NUP210: variants seen among roughly 807,000 people sequenced by gnomAD.
NUP210 encodes the protein nucleoporin 210.
A neutral mutation model predicts 196.0 loss-of-function variants in NUP210; 151 were observed. The ratio of observed to expected loss-of-function variants is 0.77; its 90% confidence interval spans 0.67 to 0.88. The LOEUF (loss-of-function observed/expected upper bound fraction) is 0.88, where lower values mean the gene tolerates loss of function less well. Ranked by LOEUF, NUP210 falls within the 40% of genes least tolerant of loss-of-function variation. The pLI is 0.00. For missense variants in NUP210, 2,314 were observed against 2,493.7 expected (o/e 0.93, Z 1.53); for synonymous variants, 1,070 against 1,052.7 (o/e 1.02, Z -0.32).
At chr3:13,329,833 C>T (rs773518233) in intron 30 of NUP210, among the ~76,000 whole-genome samples, 8 of 152,248 alleles carry the variant, frequency 5.3e-5, no homozygotes, top group Admixed American at 3.3e-4. Flanking sequence ...GAACACAGAA[C>T]GGCAGAGGGC....
chr3:13,324,521 C>T (rs1696665667), intron 33 of NUP210, among the ~76,000 whole-genome samples: 1 of 152,138 alleles, frequency 6.6e-6, no homozygotes, highest in African/African-American at 2.4e-5. Flanking sequence ...AGCAAAGGAC[C>T]AGTAGCAGCC....
chr3:13,335,848 C>G (rs1300649724), intron 27 of NUP210, among the ~76,000 whole-genome samples: 1 of 152,242 alleles, frequency 6.6e-6, no homozygotes, highest in Non-Finnish European at 1.5e-5. Flanking sequence ...GCACAACATG[C>G]ACAGATGCAT....
In NUP210 at chr3:13,375,522, G is replaced by A; in HGVS notation, c.1413C>T (p.Ala471=). The A allele has an allele frequency of 6.2e-7, 1 of 1,614,102 alleles. No homozygotes were observed. Among genetic ancestry groups the A allele is most frequent in the Non-Finnish European group, 8.5e-7 (1 of 1,179,988 alleles). Residue 471 remains alanine, a synonymous_variant, in exon 11 of 40, where the codon GCC becomes GCT. Transcript: ENST00000254508. ...LTFPWQPKTG[A]YQYTIRAHGG... ...CACGTACCCTTATTGTGTACTGATA[G>A]GCGCCCGTCTTTGGTTGCCACGGAA...
At position 13,335,589 on chromosome 3, in the gene NUP210, CTG is replaced by C; in HGVS notation, c.3706_3707del (p.Gln1236ValfsTer41). ...CGAGCACGTTCATGGCAAAGTTGTA[CTG>C]TGACGGGAGTCGGATCGACGCCTGG... is the stretch of plus-strand genomic sequence containing the variant. ...HHEASIRLPS[Q>X]YNFAMNVLGR... On this transcript the variant is annotated frameshift_variant, in exon 28 of 40. Coordinates refer to ENST00000254508, the MANE Select transcript of NUP210 (RefSeq NM_024923.4). LOFTEE classifies it high-confidence loss of function. 6.2e-7 allele frequency: 1 copy of C among 1,614,116 alleles called. No homozygotes were observed. The highest frequency in any genetic ancestry group is 8.5e-7 in the Non-Finnish European group (1 of 1,180,038).
chr3:13,412,919 C>A (rs9881841), intron 1 of NUP210, among the ~76,000 whole-genome samples: 9 of 151,404 alleles, frequency 5.9e-5, no homozygotes, highest in African/African-American at 2.2e-4. Flanking sequence ...TGCAGTGAGC[C>A]GAGATCAGGC....
chr3:13,375,526 C>A lies in NUP210; in HGVS notation c.1409G>T (p.Gly470Val). The stretch of plus-strand genomic sequence containing the variant: ...TACCCTTATTGTGTACTGATAGGCG[C>A]CCGTCTTTGGTTGCCACGGAAATGT... ...ILTFPWQPKTGAYQYTIRAHG... is the reference protein window; with the variant it reads ...ILTFPWQPKTVAYQYTIRAHG... The change falls in exon 11 of 40, where the codon GGC becomes GTC. Residue 470 changes from glycine to valine, a missense_variant. Coordinates refer to ENST00000254508, the MANE Select transcript of NUP210 (RefSeq NM_024923.4). 3 of 1,614,128 alleles carry A rather than the reference C, an allele frequency of 1.9e-6. No individual in the cohort carries two copies. The highest frequency in any genetic ancestry group is 2.5e-6 in the Non-Finnish European group (3 of 1,180,020).
intron 14 of NUP210, among the ~76,000 whole-genome samples, chr3:13,365,427 G>A (rs749198405): frequency 6.6e-6 from 1 of 152,174 alleles, no homozygotes; most frequent in Non-Finnish European, 1.5e-5. Context: ...GGTCTGCTCC[G>A]CACAGGCCGT....
At position 13,339,021 on chromosome 3, in the gene NUP210, T is replaced by C. The variant is rs146069437; in HGVS notation, c.3471+833A>G. Among the ~76,000 whole-genome samples, 444 of 152,216 alleles carry C rather than the reference T, an allele frequency of 2.9e-3. 4 individuals are homozygous for C. The highest frequency in any genetic ancestry group is 0.01 in the African/African-American group (433 of 41,532). On this transcript the variant is annotated intron_variant, in intron 25 of 39. Coordinates refer to ENST00000254508, the MANE Select transcript of NUP210 (RefSeq NM_024923.4). ...AAAAAAACCACAGAGTCTCCTGTGGTCTGGAATGTCACGCTCCAGGAAGCC... is the reference window on the plus strand; with the variant it reads ...AAAAAAACCACAGAGTCTCCTGTGGCCTGGAATGTCACGCTCCAGGAAGCC...
In NUP210 at chr3:13,343,321, A is replaced by AGG; in HGVS notation, c.2836-20_2836-19dup. The AGG allele has an allele frequency of 4.8e-6, 1 of 209,514 alleles. No individual in the cohort carries two copies. Among genetic ancestry groups the AGG allele is most frequent in the Non-Finnish European group, 8.8e-6 (1 of 113,934 alleles). The allele number at this position is 209,514 out of a possible 1,614,324, so 13.0% of individuals were successfully genotyped here. A position where few individuals can be genotyped will look rare whatever the true frequency, so the allele number is the denominator to read the frequency against. ...GGGTGCACCTGCAAGGTTGGGGCGG[A>AGG]GGTGGAGGGGTGGGTGGTGGGTTAC... is the stretch of plus-strand genomic sequence containing the variant. On this transcript the variant is annotated intron_variant, in intron 20 of 39. Transcript: ENST00000254508.
Position 13,376,294 on chromosome 3 carries a change from G to C in NUP210, c.1290C>G (p.Asp430Glu). Residue 430 changes from aspartate (D) to glutamate (E), a missense_variant, in exon 10 of 40, where the codon GAC (aspartate) becomes GAG (glutamate). Transcript: ENST00000254508. The part of the protein sequence containing the change: ...AIDAALTSVV[D>E]QDGGVHILQV... The stretch of plus-strand genomic sequence containing the variant: ...CGCAGGGGAGACACCAACTTGCCTG[G>C]TCCACCACAGAGGTGAGGGCCGCGT... The C allele has an allele frequency of 6.2e-7, 1 of 1,613,438 alleles. No homozygotes were observed. Among genetic ancestry groups the C allele is most frequent in the Non-Finnish European group, 8.5e-7 (1 of 1,180,000 alleles).
At chr3:13,361,466 C>T (rs1215529034) in intron 14 of NUP210, among the ~76,000 whole-genome samples, 2 of 152,134 alleles carry the variant, frequency 1.3e-5, no homozygotes, top group South Asian at 4.1e-4. Context: ...GGTGTCATTC[C>T]CAGCCAACCT....
intron 28 of NUP210, among the ~76,000 whole-genome samples, chr3:13,334,507 T>C (rs377568763): frequency 1.9e-3 from 291 of 152,254 alleles, no homozygotes; most frequent in African/African-American, 6.8e-3. Flanking sequence ...TTGAAAAGTT[T>C]GCTTCTTTGC....
chr3:13,353,743 A>T lies in NUP210; in HGVS notation c.2522-83T>A, dbSNP rs563709742. On this transcript the variant is annotated intron_variant, in intron 17 of 39. Coordinates refer to ENST00000254508, the MANE Select transcript of NUP210 (RefSeq NM_024923.4). ...CAGCCCCTCCCTCCTTCTGATTTGC[A>T]GTTTCGAATCTGAAAACAGACAACT... The T allele has an allele frequency of 4.3e-5, 58 of 1,350,344 alleles. No individual in the cohort carries two copies. The South Asian group carries it at 6.6e-4, about 15-fold the overall frequency. 83.6% of individuals were successfully genotyped at this position (1,350,344 alleles called of 1,614,324 possible).
intron 13 of NUP210, 51 bp from the exon 14 acceptor site, chr3:13,366,142 T>G: frequency 1.3e-6 from 2 of 1,577,126 alleles, no homozygotes; most frequent in Non-Finnish European, 8.6e-7. Context: ...TTTTTTCTTT[T>G]TTTTGAGATG....
intron 1 of NUP210, among the ~76,000 whole-genome samples, chr3:13,419,832 C>A (rs951246547): frequency 6.6e-6 from 1 of 152,034 alleles, no homozygotes. Flanking sequence ...CGCCAGGCTG[C>A]GCCCGCTCTG....
At position 13,395,668 on chromosome 3, in the gene NUP210, C is replaced by G. The variant is rs545573715; in HGVS notation, c.436+1689G>C. On this transcript the variant is annotated intron_variant, in intron 3 of 39. Coordinates refer to ENST00000254508, the MANE Select transcript of NUP210 (RefSeq NM_024923.4). ...ATAATATTCCATTGCAGGGGTCGAC[C>G]GTGTTTTGTTTTTCCACTCATCCGT... is the stretch of plus-strand genomic sequence containing the variant. Among the ~76,000 whole-genome samples, 280 of 152,168 alleles carry G rather than the reference C, an allele frequency of 1.8e-3. 1 individual carries two copies. The highest frequency in any genetic ancestry group is 3.3e-3 in the Non-Finnish European group (227 of 68,006).
intron 13 of NUP210, among the ~76,000 whole-genome samples, chr3:13,370,288 C>T (rs1233930400): frequency 6.6e-6 from 1 of 152,218 alleles, no homozygotes; most frequent in Non-Finnish European, 1.5e-5. Context: ...ATCTTGACTG[C>T]TGTTTTCAGA....
chr3:13,348,473 T>C lies in NUP210; in HGVS notation c.2835+3406A>G, dbSNP rs905370751. The C allele has an allele frequency of 1.1e-5, 11 of 985,146 alleles. No homozygotes were observed. In the Admixed American group the frequency reaches 6.8e-4, roughly 61 times the overall value. The allele number at this position is 985,146 out of a possible 1,614,324, so 61.0% of individuals were successfully genotyped here. A position where few individuals can be genotyped will look rare whatever the true frequency, so the allele number is the denominator to read the frequency against. The stretch of plus-strand genomic sequence containing the variant: ...GGCACTGTACACATTTTTCCCTAAC[T>C]TGGAACTCCCCTCTTCTTGGTAATG... On this transcript the variant is annotated intron_variant, in intron 20 of 39. Transcript: ENST00000254508. This position sits in a 1 kb window ranked among gnomAD's most constrained non-coding sequence, Gnocchi z 4.0.
At chr3:13,366,422 G>A (rs1226385419) in intron 13 of NUP210, among the ~76,000 whole-genome samples, 2 of 151,818 alleles carry the variant, frequency 1.3e-5, no homozygotes, top group African/African-American at 4.8e-5. Flanking sequence ...GTGAGCCACT[G>A]TGCCCAGCCC....
Sources: gnomAD v4.1 joint callset for allele counts (sites outside exome capture counted in the v4.1 genomes callset) on GRCh38, gnomAD v4.1.1 for gene constraint, Gnocchi (gnomAD v3.1) non-coding constraint, MANE v1.5 for transcripts, NCBI Gene and HGNC (gene_info 2026-07-23, HGNC 2026-07-21) for gene names.